ERICH1: variants seen among roughly 807,000 people sequenced by gnomAD.
ERICH1 encodes the protein glutamate-rich protein 1.
Under a neutral mutation model 39.6 loss-of-function variants are expected in ERICH1, and 56 were observed. The ratio of observed to expected loss-of-function variants is 1.41; its 90% CI spans 1.14 to 1.77. The LOEUF (loss-of-function observed/expected upper bound fraction) is 1.77. Among genes scored for constraint, ERICH1 ranks in the 40% most tolerant of loss-of-function variants. The probability of loss-of-function intolerance (pLI) is 0.00; values close to 1 mark genes in which losing one functional copy is unlikely to be tolerated. For synonymous variants in ERICH1, 313 were observed against 223.6 expected (o/e 1.40, Z -3.57); for missense variants, 826 against 575.4 (o/e 1.44, Z -4.45).
rs945023653 is a variant in ERICH1 at position 635,419 on chromosome 8, T to C, written c.977-20135A>G. 4.6e-5 allele frequency among the ~76,000 whole-genome samples: 7 copies of C among 152,226 alleles called. No homozygotes were observed. The South Asian group carries it at 1.2e-3, about 27-fold the overall frequency. On this transcript the variant is annotated intron_variant, in intron 3 of 3. Transcript: ENST00000522706. ...CCGCAGGGCTCATCACCACTAACAA[T>C]AGTGACAGCTAAGGCTGGCTGTGAG...
chr8:729,527 C>A (rs6998582), intron 1 of ERICH1, among the ~76,000 whole-genome samples: 1,651 of 152,356 alleles, frequency 0.011, 38 homozygotes, highest in African/African-American at 0.038. Context: ...TAAATCCTCC[C>A]TTCAGTGCCT....
chr8:681,775 C>T (rs898564894), intron 3 of ERICH1, among the ~76,000 whole-genome samples: 1 of 152,224 alleles, frequency 6.6e-6, no homozygotes, highest in Non-Finnish European at 1.5e-5. Flanking sequence ...AGATGGCCAG[C>T]AGAGACTGCC....
intron 3 of ERICH1, among the ~76,000 whole-genome samples, chr8:634,179 A>AAAAC (rs1554481853): frequency 4.6e-5 from 2 of 43,610 alleles, no homozygotes; most frequent in Non-Finnish European, 8.4e-5. Flanking sequence ...AAAAAAAAAA[A>AAAAC]AAAAAAACAA....
At chr8:731,118 C>T in intron 1 of ERICH1, 22 bp downstream of exon 1, 1 of 1,504,788 alleles carries the variant, frequency 6.6e-7, no homozygotes, top group East Asian at 2.7e-5. Context: ...TCTGGGCAGG[C>T]CTCCGCACCG....
intron 3 of ERICH1, chr8:616,580 G>A (rs755013696): frequency 6.4e-5 from 29 of 455,856 alleles, no homozygotes; most frequent in South Asian, 3.9e-4. Flanking sequence ...ATCAAGTCAG[G>A]GCTGGAGAGA....
intron 3 of ERICH1, chr8:641,299 A>G (rs1012568469): frequency 2.0e-5 from 3 of 152,232 alleles, no homozygotes; most frequent in African/African-American, 7.2e-5. Context: ...ACAGCAAACA[A>G]TCTTCATACT....
chr8:640,050 C>T (rs1291201241), intron 3 of ERICH1, among the ~76,000 whole-genome samples: 1 of 152,154 alleles, frequency 6.6e-6, no homozygotes, highest in African/African-American at 2.4e-5. Context: ...GGGAGTGGCT[C>T]ATTTTGTACC....
chr8:708,182 C>T (rs958393135), intron 2 of ERICH1, among the ~76,000 whole-genome samples: 4 of 152,122 alleles, frequency 2.6e-5, no homozygotes, highest in African/African-American at 9.7e-5. Flanking sequence ...TTGTACAATG[C>T]TGGTGGACAT....
At chr8:660,684 A>G (rs1476296582), downstream of ERICH1, among the ~76,000 whole-genome samples, 1 of 152,202 alleles carries the variant, frequency 6.6e-6, no homozygotes, top group Non-Finnish European at 1.5e-5. Flanking sequence ...AAATTTTGGA[A>G]TTCAGTTTCC....
intron 4 of ERICH1, among the ~76,000 whole-genome samples, chr8:671,312 G>A (rs1362329626): frequency 2.1e-5 from 3 of 144,022 alleles, no homozygotes; most frequent in Non-Finnish European, 4.5e-5. Flanking sequence ...TGAACCTGCC[G>A]GCCCCGGCTC....
chr8:694,265 CTA>C (rs1432594324), intron 2 of ERICH1, among the ~76,000 whole-genome samples: 5 of 152,226 alleles, frequency 3.3e-5, no homozygotes, highest in Admixed American at 2.6e-4. Flanking sequence ...TGATTAATTA[CTA>C]TGTCATTCCC....
chr8:618,398 G>C (rs1269982393), intron 3 of ERICH1, among the ~76,000 whole-genome samples: 2 of 151,474 alleles, frequency 1.3e-5, no homozygotes, highest in African/African-American at 4.9e-5. Flanking sequence ...TTGGTGCTTG[G>C]TCCACCATCA....
chr8:628,355 G>C (rs559337800), intron 3 of ERICH1, among the ~76,000 whole-genome samples: 1 of 152,210 alleles, frequency 6.6e-6, no homozygotes, highest in African/African-American at 2.4e-5. Context: ...AGTTTCTCTT[G>C]AAGTTTGGTC....
At chr8:616,323 C>T (rs1421319364) in intron 3 of ERICH1, 9 of 339,200 alleles carry the variant, frequency 2.7e-5, no homozygotes, top group South Asian at 1.1e-4. Context: ...AAGAGGGACG[C>T]GTTAACTGAA....
intron 3 of ERICH1, among the ~76,000 whole-genome samples, chr8:650,309 G>A (rs1423863113): frequency 3.3e-5 from 5 of 152,346 alleles, no homozygotes; most frequent in Non-Finnish European, 5.9e-5. Flanking sequence ...GGGTCTCCCC[G>A]TTCCAACTTT....
chr8:656,772 G>A (rs943909354), intron 3 of ERICH1: 22 of 985,324 alleles, frequency 2.2e-5, no homozygotes, highest in Admixed American at 1.8e-4. Flanking sequence ...TGTGCCAAAC[G>A]GTGCACAGCA....
intron 3 of ERICH1, chr8:615,530 A>G (rs1385454755): frequency 7.1e-6 from 3 of 421,108 alleles, no homozygotes; most frequent in South Asian, 1.1e-4. Flanking sequence ...GGCTCAGACA[A>G]TGGCAGTGTT....
rs1799627687 is a variant in ERICH1, at chr8:649,089, A to G, written c.976+19509T>C. 2.9e-5 allele frequency among the ~76,000 whole-genome samples: 2 copies of G among 68,208 alleles called. 1 individual carries two copies. Among genetic ancestry groups the G allele is most frequent in the African/African-American group, 7.4e-5 (2 of 27,014 alleles). 44.7% of individuals were successfully genotyped at this position (68,208 alleles called of 152,430 possible). A position where few individuals can be genotyped will look rare whatever the true frequency, so the allele number is the denominator to read the frequency against. ...TTCAAATGCTATTATTGATAACAGG[A>G]TTTTCTGTGGAACTGTGTGCCACTG... On this transcript the variant is annotated intron_variant, in intron 3 of 3. Transcript: ENST00000522706.
At chr8:678,230 C>CT (rs964530760) in intron 3 of ERICH1, among the ~76,000 whole-genome samples, 1 of 151,926 alleles carries the variant, frequency 6.6e-6, no homozygotes, top group African/African-American at 2.4e-5. Context: ...GTATAGGCTG[C>CT]TTTTTTCCTC....
Sources: gnomAD v4.1 joint callset for allele counts (sites outside exome capture counted in the v4.1 genomes callset) on GRCh38, gnomAD v4.1.1 for gene constraint, MANE v1.5 for transcripts, NCBI Gene and HGNC (gene_info 2026-07-23, HGNC 2026-07-21) for gene names.